Variants in NEDD4L observed in about 807,000 individuals in gnomAD.
NEDD4L encodes the protein NEDD4 like E3 ubiquitin protein ligase, also known as E3 ubiquitin-protein ligase NEDD4-like.
NEDD4L carries 54 observed loss-of-function variants against 148.9 expected under a neutral mutation model. The observed-to-expected ratio is 0.36, with a 90% CI of 0.29 to 0.45. NEDD4L has a LOEUF of 0.45. NEDD4L is among the 20% of genes least tolerant of loss of function. The pLI is 1.00. For synonymous variants in NEDD4L, 433 were observed against 440.7 expected (o/e 0.98, Z 0.22); for missense variants, 856 against 1,233.8 (o/e 0.69, Z 4.59).
At chr18:58,332,484 C>G (rs1463047031) in intron 11 of NEDD4L, among the ~76,000 whole-genome samples, 1 of 152,130 alleles carries the variant, frequency 6.6e-6, no homozygotes, top group African/African-American at 2.4e-5. Context: ...CCCGTCTCTA[C>G]TAAAAATGCA....
chr18:58,062,215 A>G (rs1002935479), intron 1 of NEDD4L, among the ~76,000 whole-genome samples: 1 of 152,076 alleles, frequency 6.6e-6, no homozygotes, highest in Non-Finnish European at 1.5e-5. Flanking sequence ...TTTTTGCTTG[A>G]TCACCCAGTA....
intron 1 of NEDD4L, among the ~76,000 whole-genome samples, chr18:58,078,392 A>T (rs569348432): frequency 1.9e-4 from 29 of 152,204 alleles, no homozygotes; most frequent in Non-Finnish European, 3.7e-4. Context: ...AATGAATGAA[A>T]AGCAGGATTC....
At chr18:58,101,839 T>C (rs938973997) in intron 1 of NEDD4L, among the ~76,000 whole-genome samples, 1 of 152,158 alleles carries the variant, frequency 6.6e-6, no homozygotes, top group Non-Finnish European at 1.5e-5. Context: ...CTTTTTTTTG[T>C]TTAATTGTGT....
chr18:58,348,334 T>TTTTTTTTC (rs1568797837), intron 16 of NEDD4L, among the ~76,000 whole-genome samples: 2 of 132,422 alleles, frequency 1.5e-5, no homozygotes, highest in African/African-American at 6.0e-5. Flanking sequence ...TTCTTTTTTT[T>TTTTTTTTC]TTTTTTTTTT....
rs114054083 is a variant in NEDD4L, at chr18:58,076,801, C to T, written c.48+32093C>T. Among the ~76,000 whole-genome samples, 1,068 of 152,018 alleles carry T rather than the reference C, an allele frequency of 7.0e-3. 15 individuals are homozygous for T. The highest frequency in any genetic ancestry group is 0.024 in the African/African-American group (993 of 41,436). The stretch of plus-strand genomic sequence containing the variant: ...AAAGGTAAAGAATGTACAGTGAGCA[C>T]CCATATACCAACCACATGGATTCTG... On this transcript the variant is annotated intron_variant, in intron 1 of 30. Transcript: ENST00000400345.
chr18:58,097,108 A>G (rs1431199186), intron 1 of NEDD4L, among the ~76,000 whole-genome samples: 1 of 150,470 alleles, frequency 6.6e-6, no homozygotes, highest in Non-Finnish European at 1.5e-5. Context: ...TTACAAAAAG[A>G]AAAAAAAAAG....
rs1055099670 is a variant in NEDD4L at position 58,072,882 on chromosome 18, A to G, written c.48+28174A>G. Among the ~76,000 whole-genome samples the G allele has an allele frequency of 5.8e-5, 7 of 120,636 alleles. No homozygotes were observed. In the East Asian group the frequency reaches 1.4e-3, roughly 24 times the overall value. 79.1% of individuals were successfully genotyped at this position (120,636 alleles called of 152,430 possible). ...GGCGCGCGCGCGCGCGCACACACAC[A>G]CACACACACACACACACACACACAA... On this transcript the variant is annotated intron_variant, in intron 1 of 30. Coordinates refer to ENST00000400345, the MANE Select transcript of NEDD4L (RefSeq NM_001144967.3).
chr18:58,219,464 C>T (rs935143212), intron 2 of NEDD4L, among the ~76,000 whole-genome samples: 2 of 152,140 alleles, frequency 1.3e-5, no homozygotes, highest in South Asian at 2.1e-4. Context: ...TTTGCCAGGG[C>T]GGTCGTAACA....
intron 1 of NEDD4L, among the ~76,000 whole-genome samples, chr18:58,071,230 A>G (rs1046048379): frequency 6.6e-6 from 1 of 152,152 alleles, no homozygotes; most frequent in African/African-American, 2.4e-5. Context: ...GGATTGCTTG[A>G]GCCCAGGAGT....
At chr18:58,228,303 G>A (rs1189595167) in intron 2 of NEDD4L, among the ~76,000 whole-genome samples, 5 of 152,220 alleles carry the variant, frequency 3.3e-5, no homozygotes, top group African/African-American at 7.2e-5. Context: ...GAGCTTGAGG[G>A]CCAGGAAGCC....
chr18:58,337,406 A>G (rs2041909226), intron 13 of NEDD4L, among the ~76,000 whole-genome samples: 1 of 151,522 alleles, frequency 6.6e-6, no homozygotes, highest in Non-Finnish European at 1.5e-5. Flanking sequence ...CTGTCTCTTC[A>G]CCCCGTGTTT....
At chr18:58,312,198 G>A (rs755388480) in intron 5 of NEDD4L, among the ~76,000 whole-genome samples, 32 of 152,146 alleles carry the variant, frequency 2.1e-4, no homozygotes, top group Non-Finnish European at 3.8e-4. Context: ...CTCATTAGAA[G>A]GGAACATCTA....
chr18:58,198,563 C>T (rs2041011763), intron 2 of NEDD4L, among the ~76,000 whole-genome samples: 1 of 152,128 alleles, frequency 6.6e-6, no homozygotes, highest in Non-Finnish European at 1.5e-5. Context: ...ACACAGTGGT[C>T]ATGGGTTATC....
Position 58,177,751 on chromosome 18 carries a change from T to C in NEDD4L, c.122+11890T>C, listed in dbSNP as rs183798491. Among the ~76,000 whole-genome samples the C allele has an allele frequency of 2.0e-5, 3 of 152,382 alleles. No homozygotes were observed. In the East Asian group the frequency reaches 5.8e-4, roughly 29 times the overall value. ...ACTCCAGAATGTTGTCTTTCTCAGA[T>C]ATGTATTGCCAATGTTGTATTACTT... On this transcript the variant is annotated intron_variant, in intron 2 of 30. Transcript: ENST00000400345.
At chr18:58,158,752 G>T (rs2035824550) in intron 1 of NEDD4L, among the ~76,000 whole-genome samples, 1 of 152,280 alleles carries the variant, frequency 6.6e-6, no homozygotes, top group East Asian at 1.9e-4. Context: ...GTTTGCCTCT[G>T]TCGGTGTCAT....
intron 18 of NEDD4L, among the ~76,000 whole-genome samples, chr18:58,351,395 C>T (rs1218317955): frequency 6.6e-6 from 1 of 152,160 alleles, no homozygotes. Flanking sequence ...ATGATTTAGT[C>T]AAAAATCTGT....
chr18:58,306,403 A>G (rs8087059), intron 5 of NEDD4L, among the ~76,000 whole-genome samples: 14,429 of 152,214 alleles, frequency 0.095, 775 homozygotes, highest in African/African-American at 0.13. Context: ...TGAGGAAGGA[A>G]GGGCACATGG....
intron 1 of NEDD4L, among the ~76,000 whole-genome samples, chr18:58,108,221 T>A (rs950298213): frequency 6.6e-6 from 1 of 152,172 alleles, no homozygotes; most frequent in Non-Finnish European, 1.5e-5. Flanking sequence ...AACTAAAAGC[T>A]TTGGGGTGCC....
chr18:58,188,298 G>A (rs2039700415), intron 2 of NEDD4L, among the ~76,000 whole-genome samples: 2 of 152,240 alleles, frequency 1.3e-5, no homozygotes, highest in Non-Finnish European at 2.9e-5. Context: ...AGGGACCCTA[G>A]CACCAGTGGT....
Sources: allele counts gnomAD v4.1 joint callset (sites outside exome capture counted in the v4.1 genomes callset), GRCh38; gene constraint gnomAD v4.1.1; transcripts MANE v1.5; gene names NCBI Gene and HGNC (gene_info 2026-07-23, HGNC 2026-07-21).